The following ZNF516 variants were observed in gnomAD, a reference collection of about 807,000 sequenced individuals.
ZNF516 encodes zinc finger protein 516.
In ZNF516, 19 loss-of-function variants were observed where a neutral mutation model predicts 79.7. The observed-to-expected ratio is 0.24, with a 90% CI of 0.17 to 0.35. The LOEUF is 0.35. ZNF516 is among the 10% of genes least tolerant of loss of function. The pLI, the probability that ZNF516 is intolerant of heterozygous loss-of-function variation, is 1.00. For missense variants in ZNF516, 1,678 were observed against 1,679.5 expected (o/e 1.00, Z 0.02); for synonymous variants, 877 against 739.5 (o/e 1.19, Z -3.02).
chr18:76,358,470 C>G lies in ZNF516; in HGVS notation c.*4028G>C, dbSNP rs913968340. The stretch of plus-strand genomic sequence containing the variant: ...TGAACATTTTCCCTTGGGCGGGTGG[C>G]CCTTGGTCACTCCCACAGGCACGTT... On this transcript the variant is annotated 3_prime_UTR_variant, in exon 7 of 7. Transcript: ENST00000443185. 1 of 152,210 alleles carries G rather than the reference C, an allele frequency of 6.6e-6. No individual in the cohort carries two copies. The highest frequency in any genetic ancestry group is 1.5e-5 in the Non-Finnish European group (1 of 68,038). The allele number at this position is 152,210 out of a possible 1,614,324, so 9.4% of individuals were successfully genotyped here.
intron 1 of ZNF516, among the ~76,000 whole-genome samples, chr18:76,486,291 AAC>A (rs1244698562): frequency 2.6e-5 from 4 of 152,356 alleles, no homozygotes; most frequent in African/African-American, 7.2e-5. Flanking sequence ...TCAATGCCCA[AAC>A]ACAGTGTCTT....
chr18:76,479,555 C>G (rs958238398), intron 1 of ZNF516, among the ~76,000 whole-genome samples: 5 of 152,200 alleles, frequency 3.3e-5, no homozygotes, highest in African/African-American at 1.2e-4. Flanking sequence ...GGAAGACGCA[C>G]AGGCGTTCGT....
At chr18:76,469,750 A>G (rs1211989784) in intron 1 of ZNF516, among the ~76,000 whole-genome samples, 1 of 152,240 alleles carries the variant, frequency 6.6e-6, no homozygotes, top group Non-Finnish European at 1.5e-5. Context: ...AAGCAGACAG[A>G]GCTGCCTCAT....
chr18:76,484,740 C>T (rs1914730958), intron 1 of ZNF516, among the ~76,000 whole-genome samples: 1 of 152,214 alleles, frequency 6.6e-6, no homozygotes, highest in Admixed American at 6.5e-5. Context: ...CAAATTCTAA[C>T]TGTAATAACT....
At chr18:76,434,910 C>T (rs1056585911) in intron 3 of ZNF516, among the ~76,000 whole-genome samples, 3 of 152,242 alleles carry the variant, frequency 2.0e-5, no homozygotes, top group African/African-American at 7.2e-5. Context: ...TAATACCACA[C>T]TGTGACTTGG....
chr18:76,427,869 A>G (rs1290544766), intron 3 of ZNF516, among the ~76,000 whole-genome samples: 1 of 151,984 alleles, frequency 6.6e-6, no homozygotes, highest in African/African-American at 2.4e-5. Flanking sequence ...TATGCTCACA[A>G]AAAAAAATGA....
At chr18:76,449,874 T>C (rs1912286939) in intron 2 of ZNF516, among the ~76,000 whole-genome samples, 1 of 152,222 alleles carries the variant, frequency 6.6e-6, no homozygotes, top group Non-Finnish European at 1.5e-5. Flanking sequence ...TGGGCCCTTA[T>C]GGTTTATACA....
rs1050708899 is a variant in ZNF516, at chr18:76,493,125, C to T, written c.-272+2019G>A. 3.0e-6 allele frequency: 3 copies of T among 985,272 alleles called. No individual in the cohort carries two copies. The highest frequency in any genetic ancestry group is 3.5e-5 in the African/African-American group (2 of 57,324). 61.0% of individuals were successfully genotyped at this position (985,272 alleles called of 1,614,324 possible). A position where few individuals can be genotyped will look rare whatever the true frequency, so the allele number is the denominator to read the frequency against. On this transcript the variant is annotated intron_variant, in intron 1 of 6. Coordinates refer to ENST00000443185, the MANE Select transcript of ZNF516 (RefSeq NM_014643.4). The surrounding 1 kb of genome is among the most constrained non-coding windows in gnomAD (Gnocchi z 5.2). Reference sequence around the variant, plus strand: ...TTTTTTTTTCCTCCTCTCCTCCCTACCGTTTCATTTAATGGTAAAACAACA... The same window carrying T: ...TTTTTTTTTCCTCCTCTCCTCCCTATCGTTTCATTTAATGGTAAAACAACA...
At chr18:76,490,168 T>TC (rs1454561109) in intron 1 of ZNF516, 1 of 985,262 alleles carries the variant, frequency 1.0e-6, no homozygotes, top group East Asian at 1.1e-4. Flanking sequence ...CAGAGCCCAT[T>TC]CAAGATGGCC....
rs541899337 is a variant in ZNF516, at chr18:76,399,486, T to C, written c.1811-19183A>G. On this transcript the variant is annotated intron_variant, in intron 3 of 6. Coordinates refer to ENST00000443185, the MANE Select transcript of ZNF516 (RefSeq NM_014643.4). ...TAGTCAGCATATCCAACTTCAAAAA[T>C]GTCCAACCTTGCAAAAACTTACTCA... Among the ~76,000 whole-genome samples the C allele has an allele frequency of 7.2e-5, 11 of 152,346 alleles. No homozygotes were observed. The East Asian group carries it at 2.1e-3, about 29-fold the overall frequency.
intron 1 of ZNF516, among the ~76,000 whole-genome samples, chr18:76,477,185 C>T (rs1262463403): frequency 1.3e-5 from 2 of 152,156 alleles, no homozygotes; most frequent in African/African-American, 2.4e-5. Flanking sequence ...GTCGATCTTA[C>T]GTTCAAAAGT....
Position 76,378,585 on chromosome 18 carries a change from C to T in ZNF516, c.3259+270G>A, listed in dbSNP as rs184926178. On this transcript the variant is annotated intron_variant, in intron 4 of 6. Coordinates refer to ENST00000443185, the MANE Select transcript of ZNF516 (RefSeq NM_014643.4). ...CAGGAAGGAAGCCGTGCAGGGCTTG[C>T]GACCTCCTCCCAGGGCCAACGTGCA... Among the ~76,000 whole-genome samples the T allele has an allele frequency of 2.1e-3, 321 of 152,310 alleles. 6 individuals are homozygous for T. Among genetic ancestry groups the T allele is most frequent in the Admixed American group, 0.018 (272 of 15,302 alleles).
At position 76,360,330 on chromosome 18, in the gene ZNF516, G is replaced by A. The variant is rs940841318; in HGVS notation, c.*2168C>T. 9 of 152,134 alleles carry A rather than the reference G, an allele frequency of 5.9e-5. No homozygotes were observed. Among genetic ancestry groups the A allele is most frequent in the African/African-American group, 2.2e-4 (9 of 41,430 alleles). 9.4% of individuals were successfully genotyped at this position (152,134 alleles called of 1,614,324 possible). A position where few individuals can be genotyped will look rare whatever the true frequency, so the allele number is the denominator to read the frequency against. On this transcript the variant is annotated 3_prime_UTR_variant, in exon 7 of 7. Coordinates refer to ENST00000443185, the MANE Select transcript of ZNF516 (RefSeq NM_014643.4). ...CTAAAACACAGAGAAACAGGACTGG[G>A]TCACTAGTCCCTGACATTCCTAACA...
At chr18:76,478,822 G>A (rs1217777958) in intron 1 of ZNF516, among the ~76,000 whole-genome samples, 3 of 152,120 alleles carry the variant, frequency 2.0e-5, no homozygotes, top group South Asian at 2.1e-4. Flanking sequence ...GTAAGAGGCC[G>A]AAACAGGCAG....
At chr18:76,374,291 A>G (rs530583991) in intron 4 of ZNF516, among the ~76,000 whole-genome samples, 1 of 152,360 alleles carries the variant, frequency 6.6e-6, no homozygotes, top group African/African-American at 2.4e-5. Flanking sequence ...CTGAAAACAC[A>G]GATCATGTAT....
chr18:76,386,925 C>G (rs1158472606), intron 3 of ZNF516: 3 of 152,186 alleles, frequency 2.0e-5, no homozygotes, highest in Admixed American at 6.5e-5. Context: ...ACATCCTTCC[C>G]ACAGGAAAAA....
At chr18:76,400,019 G>A (rs745879596) in intron 3 of ZNF516, among the ~76,000 whole-genome samples, 2 of 152,132 alleles carry the variant, frequency 1.3e-5, no homozygotes, top group Non-Finnish European at 2.9e-5. Flanking sequence ...GACCATCACC[G>A]CAGAGCAATC....
chr18:76,425,069 AAAAC>A (rs1336318092), intron 3 of ZNF516, among the ~76,000 whole-genome samples: 2 of 152,174 alleles, frequency 1.3e-5, no homozygotes, highest in Non-Finnish European at 2.9e-5. Flanking sequence ...TTCCCCCTGA[AAAAC>A]AGGCAGGTGA....
Position 76,442,410 on chromosome 18 carries a change from C to T in ZNF516, c.645G>A (p.Leu215=). ...CSYATLREES[L]LSHIERDHIT... ...TGTGGTCCCTCTCGATGTGGCTCAG[C>T]AGCGACTCCTCCCGCAGCGTCGCGT... The change falls in exon 3 of 7, where the codon CTG becomes CTA. Residue 215 remains leucine, a synonymous_variant. Transcript: ENST00000443185. 6.2e-7 allele frequency: 1 copy of T among 1,607,750 alleles called. No homozygotes were observed. Among genetic ancestry groups the T allele is most frequent in the South Asian group, 1.1e-5 (1 of 91,072 alleles).
Sources: gnomAD v4.1 joint callset for allele counts (sites outside exome capture counted in the v4.1 genomes callset) on GRCh38, gnomAD v4.1.1 for gene constraint, Gnocchi (gnomAD v3.1) non-coding constraint, MANE v1.5 for transcripts, NCBI Gene and HGNC (gene_info 2026-07-23, HGNC 2026-07-21) for gene names.